BLACAT1: variants seen among roughly 807,000 people sequenced by gnomAD.
BLACAT1 encodes bladder cancer associated transcript 1.
At chr1:205,449,126 T>C (rs1201149837) in intron 1 of BLACAT1, among the ~76,000 whole-genome samples, 1 of 152,022 alleles carries the variant, frequency 6.6e-6, no homozygotes, top group Non-Finnish European at 1.5e-5. Flanking sequence ...GACAAGGCTG[T>C]GGGAGGGGTG....
chr1:205,455,944 G>A (rs1666557437), exon 1 of BLACAT1: 1 of 152,256 alleles, frequency 6.6e-6, no homozygotes, highest in South Asian at 2.1e-4. Flanking sequence ...GGCTCCTCTT[G>A]CACTCACTTC....
chr1:205,442,568 C>T (rs1022509214), intron 1 of BLACAT1, among the ~76,000 whole-genome samples: 1 of 152,184 alleles, frequency 6.6e-6, no homozygotes, highest in East Asian at 1.9e-4. Flanking sequence ...AGCCTCTCAG[C>T]GTCCCGGTAA....
chr1:205,437,193 T>C (rs1666224380), downstream of BLACAT1: 1 of 152,356 alleles, frequency 6.6e-6, no homozygotes, highest in Non-Finnish European at 1.5e-5. Flanking sequence ...TTGATCAGCA[T>C]GGAGATGAGC....
At chr1:205,437,362 A>C (rs57411289), downstream of BLACAT1, 6,919 of 152,580 alleles carry the variant, frequency 0.045, 195 homozygotes, top group Middle Eastern at 0.11. Context: ...GAAAGTGAGA[A>C]CGTACATAAG....
chr1:205,441,656 T>G lies in BLACAT1; in HGVS notation c.-36-594A>C, dbSNP rs1666295579. ...GGAGCAATTATACCCTTCCTTTGACTGCTCAGGGCAATGCAAATCCCATCC... is the reference window on the plus strand; with the variant it reads ...GGAGCAATTATACCCTTCCTTTGACGGCTCAGGGCAATGCAAATCCCATCC... On this transcript the variant is annotated intron_variant, in intron 1 of 1. Coordinates refer to ENST00000629624, the Ensembl canonical transcript of BLACAT1. The surrounding 1 kb of genome is among the most constrained non-coding windows in gnomAD (Gnocchi z 4.3). 6.6e-6 allele frequency among the ~76,000 whole-genome samples: 1 copy of G among 152,246 alleles called. No homozygotes were observed. The highest frequency in any genetic ancestry group is 2.4e-5 in the African/African-American group (1 of 41,462).
chr1:205,446,544 C>G (rs1666392363), intron 1 of BLACAT1, among the ~76,000 whole-genome samples: 1 of 152,224 alleles, frequency 6.6e-6, no homozygotes, highest in Admixed American at 6.5e-5. Context: ...ACTACCCGGG[C>G]AAACTGAACA....
In BLACAT1 at chr1:205,448,258, G is replaced by GGC. The variant is rs1307126710; in HGVS notation, c.-36-7198_-36-7197dup. The GGC allele has an allele frequency of 7.9e-6, 4 of 504,908 alleles. No individual in the cohort carries two copies. Among genetic ancestry groups the GGC allele is most frequent in the South Asian group, 4.3e-5 (3 of 70,100 alleles). The allele number at this position is 504,908 out of a possible 1,614,324, so 31.3% of individuals were successfully genotyped here. ...CTCCTTCTGGTGCCCCTTGGTGGCTGGCTCCGAACCTGGTCCCATGGGAGG... is the reference window on the plus strand; with the variant it reads ...CTCCTTCTGGTGCCCCTTGGTGGCTGGCGCTCCGAACCTGGTCCCATGGGAGG... On this transcript the variant is annotated intron_variant, in intron 1 of 1. Coordinates refer to ENST00000629624, the Ensembl canonical transcript of BLACAT1. This position sits in a 1 kb window ranked among gnomAD's most constrained non-coding sequence, Gnocchi z 4.7.
chr1:205,442,039 A>C (rs1328413182), intron 1 of BLACAT1, among the ~76,000 whole-genome samples: 2 of 152,168 alleles, frequency 1.3e-5, no homozygotes, highest in African/African-American at 4.8e-5. Flanking sequence ...AGATTTTTCC[A>C]GTTCACCTCT....
intron 1 of BLACAT1, among the ~76,000 whole-genome samples, chr1:205,446,786 GC>G (rs1171364536): frequency 1.1e-4 from 17 of 152,168 alleles, no homozygotes; most frequent in African/African-American, 3.4e-4. Flanking sequence ...AACCCAGAGG[GC>G]AAGTAAGAAA....
chr1:205,446,438 C>T (rs534706013), intron 1 of BLACAT1, among the ~76,000 whole-genome samples: 1 of 152,346 alleles, frequency 6.6e-6, no homozygotes, highest in Admixed American at 6.5e-5. Context: ...TCAGCCATCC[C>T]TACAAAGTCC....
downstream of BLACAT1, chr1:205,436,864 A>T (rs1414646572): frequency 2.0e-5 from 3 of 152,240 alleles, no homozygotes; most frequent in Admixed American, 2.0e-4. Flanking sequence ...TGTCTCCAAA[A>T]GTTCCAGCCA....
intron 1 of BLACAT1, among the ~76,000 whole-genome samples, chr1:205,454,385 A>C (rs774633008): frequency 3.4e-5 from 5 of 146,834 alleles, no homozygotes; most frequent in Non-Finnish European, 7.4e-5. Context: ...GGTAGTCCCC[A>C]GCTCTGAGAC....
downstream of BLACAT1, chr1:205,437,492 T>TG (rs1186462794): frequency 6.6e-6 from 1 of 152,226 alleles, no homozygotes; most frequent in Non-Finnish European, 1.5e-5. Context: ...TCCTGGGCCC[T>TG]GGCTAGGGGA....
downstream of BLACAT1, among the ~76,000 whole-genome samples, chr1:205,438,160 A>G (rs1666237467): frequency 6.6e-6 from 1 of 152,322 alleles, no homozygotes. Flanking sequence ...GAAGCCCAAG[A>G]GGGAAAATGG....
chr1:205,439,758 CT>C (rs1666263086), downstream of BLACAT1, among the ~76,000 whole-genome samples: 2 of 152,206 alleles, frequency 1.3e-5, no homozygotes, highest in South Asian at 4.1e-4. Context: ...CCTGAAGCAT[CT>C]CTGCTGCTGG....
intron 1 of BLACAT1, among the ~76,000 whole-genome samples, chr1:205,444,620 G>A (rs1666352030): frequency 6.6e-6 from 1 of 152,162 alleles, no homozygotes; most frequent in African/African-American, 2.4e-5. Context: ...GAGACTCAGA[G>A]CAGGCCAGAA....
rs1481795803 is a variant in BLACAT1, at chr1:205,441,133, T to A, written c.-36-71A>T. ...GAAGAGAGAAGCAAGCTGGGGTTAA[T>A]GCTCCCAGAACCCTCTGGGTCTGGC... On this transcript the variant is annotated intron_variant, in intron 1 of 1. Coordinates refer to ENST00000629624, the Ensembl canonical transcript of BLACAT1. This position sits in a 1 kb window ranked among gnomAD's most constrained non-coding sequence, Gnocchi z 4.3. 6.6e-6 allele frequency: 1 copy of A among 152,374 alleles called. No individual in the cohort carries two copies. Among genetic ancestry groups the A allele is most frequent in the Non-Finnish European group, 1.5e-5 (1 of 68,202 alleles). 9.4% of individuals were successfully genotyped at this position (152,374 alleles called of 1,614,324 possible).
At chr1:205,447,949 A>C (rs1456867993) in intron 1 of BLACAT1, among the ~76,000 whole-genome samples, 2 of 152,202 alleles carry the variant, frequency 1.3e-5, no homozygotes, top group Non-Finnish European at 2.9e-5. Context: ...GCAAAGGCCC[A>C]AGTCTTCATG....
rs897195314 is a variant in BLACAT1, at chr1:205,448,038, G to T, written c.-36-6976C>A. On this transcript the variant is annotated intron_variant, in intron 1 of 1. Transcript: ENST00000629624. The surrounding 1 kb of genome is among the most constrained non-coding windows in gnomAD (Gnocchi z 4.7). ...GTAATTTGGCAAGGGGGAAGGAACC[G>T]ACTCAGAAAGCTCAGCACACCCTGA... 3.3e-5 allele frequency among the ~76,000 whole-genome samples: 5 copies of T among 152,170 alleles called. No homozygotes were observed. Among genetic ancestry groups the T allele is most frequent in the Admixed American group, 1.3e-4 (2 of 15,284 alleles).
Sources: gnomAD v4.1 joint callset for allele counts (sites outside exome capture counted in the v4.1 genomes callset) on GRCh38, gnomAD v4.1.1 for gene constraint, Gnocchi (gnomAD v3.1) non-coding constraint, MANE v1.5 for transcripts, NCBI Gene and HGNC (gene_info 2026-07-23, HGNC 2026-07-21) for gene names.